The following BAD variants were observed in gnomAD, a reference collection of about 807,000 sequenced individuals.
BAD encodes bcl2-associated agonist of cell death.
BAD carries 18 observed loss-of-function variants against 17.8 expected under a neutral mutation model. The ratio of observed to expected loss-of-function variants is 1.01; its 90% confidence interval spans 0.70 to 1.50. BAD has a LOEUF of 1.50. BAD is among the 40% of genes most tolerant of loss of function. BAD has a pLI of 0.00. For missense variants in BAD, 294 were observed against 239.3 expected (o/e 1.23, Z -1.51); for synonymous variants, 112 against 91.5 (o/e 1.22, Z -1.28).
At chr11:64,275,360 T>C (rs2032983663) in intron 2 of BAD, among the ~76,000 whole-genome samples, 1 of 152,174 alleles carries the variant, frequency 6.6e-6, no homozygotes, top group African/African-American at 2.4e-5. Context: ...GCGGTGACTG[T>C]GGAGCAGGGG....
intron 2 of BAD, among the ~76,000 whole-genome samples, chr11:64,278,470 C>T (rs566033666): frequency 3.4e-4 from 52 of 151,850 alleles, no homozygotes; most frequent in African/African-American, 1.2e-3. Context: ...CCCTCCTCTG[C>T]GCCAGGCACT....
At position 64,270,167 on chromosome 11, in the gene BAD, GGGCAGTGGGAACGGGT is replaced by G; in HGVS notation, c.*26_*41del. On this transcript the variant is annotated 3_prime_UTR_variant, in exon 4 of 4. Coordinates refer to ENST00000309032, the MANE Select transcript of BAD (RefSeq NM_032989.3). ...CGCCCATATTCAAGATGGCTGCCCA[GGGCAGTGGGAACGGGT>G]GGAGTTTCGGGATGTGGAGCGAAGG... The G allele has an allele frequency of 1.2e-6, 2 of 1,613,894 alleles. No individual in the cohort carries two copies. Among genetic ancestry groups the G allele is most frequent in the Non-Finnish European group, 1.7e-6 (2 of 1,179,938 alleles).
intron 2 of BAD, among the ~76,000 whole-genome samples, chr11:64,278,541 G>T (rs1318308975): frequency 6.6e-6 from 1 of 152,118 alleles, no homozygotes; most frequent in Non-Finnish European, 1.5e-5. Flanking sequence ...TGCGAGGTGG[G>T]ACTAGTTCTA....
intron 2 of BAD, among the ~76,000 whole-genome samples, chr11:64,274,410 G>C (rs1371292001): frequency 6.6e-6 from 1 of 151,308 alleles, no homozygotes; most frequent in Admixed American, 6.6e-5. Context: ...AAAGCAAGTA[G>C]GCGCAGTGGC....
chr11:64,270,007 GC>G lies in BAD; in HGVS notation c.*201del. The G allele has an allele frequency of 9.8e-7, 1 of 1,024,544 alleles. No individual in the cohort carries two copies. Among genetic ancestry groups the G allele is most frequent in the Non-Finnish European group, 1.4e-6 (1 of 692,914 alleles). 63.5% of individuals were successfully genotyped at this position (1,024,544 alleles called of 1,614,324 possible). Reference sequence around the variant, plus strand: ...ACGGAGCCACTTCCGGCGGCTGTGGGCGGAAAACCCAAAACTTCCGATGGGA... The same window carrying G: ...ACGGAGCCACTTCCGGCGGCTGTGGGGGAAAACCCAAAACTTCCGATGGGA... On this transcript the variant is annotated 3_prime_UTR_variant, in exon 4 of 4. Transcript: ENST00000309032.
At chr11:64,270,378 T>C in intron 3 of BAD, 41 bp from the exon 4 acceptor site, 2 of 1,513,598 alleles carry the variant, frequency 1.3e-6, no homozygotes, top group Middle Eastern at 1.8e-4. Context: ...TAGATTACCA[T>C]GGCAGCTCGA....
chr11:64,277,162 C>T (rs2033130631), intron 2 of BAD: 1 of 596,420 alleles, frequency 1.7e-6, no homozygotes, highest in East Asian at 2.9e-5. Context: ...GCTCTGCCAT[C>T]AGGCAAGGGC....
At chr11:64,281,560 C>T (rs1345911772) in intron 2 of BAD, among the ~76,000 whole-genome samples, 1 of 152,186 alleles carries the variant, frequency 6.6e-6, no homozygotes, top group Non-Finnish European at 1.5e-5. Context: ...CCACCCTAGC[C>T]AGGAGCAGGT....
At chr11:64,271,918 C>G in intron 2 of BAD, 115 bp from the exon 3 acceptor site, 1 of 800,118 alleles carries the variant, frequency 1.2e-6, no homozygotes, top group South Asian at 4.9e-5. Flanking sequence ...CTTCCAGGGG[C>G]GCATCACAGC....
intron 3 of BAD, chr11:64,270,650 C>T (rs2032436595): frequency 1.6e-6 from 1 of 606,884 alleles, no homozygotes; most frequent in Non-Finnish European, 3.1e-6. Context: ...AATCAAAGGG[C>T]CGGGAGCGAT....
Position 64,269,971 on chromosome 11 carries a change from A to T in BAD, c.*238T>A. The T allele has an allele frequency of 2.6e-6, 2 of 771,922 alleles. No homozygotes were observed. Among genetic ancestry groups the T allele is most frequent in the Non-Finnish European group, 4.4e-6 (2 of 457,778 alleles). The allele number at this position is 771,922 out of a possible 1,614,324, so 47.8% of individuals were successfully genotyped here. ...CGCCTGGGGGAAAGCCCGGAGCCTG[A>T]GGGCGGGGCCACGGAGCCACTTCCG... On this transcript the variant is annotated 3_prime_UTR_variant, in exon 4 of 4. Coordinates refer to ENST00000309032, the MANE Select transcript of BAD (RefSeq NM_032989.3).
At chr11:64,282,011 G>A (rs889575512) in intron 2 of BAD, among the ~76,000 whole-genome samples, 2 of 152,170 alleles carry the variant, frequency 1.3e-5, no homozygotes, top group African/African-American at 4.8e-5. Flanking sequence ...GAGCCACCGC[G>A]CCCGGCCTCT....
chr11:64,273,983 G>A (rs957128215), intron 2 of BAD, among the ~76,000 whole-genome samples: 18 of 152,186 alleles, frequency 1.2e-4, no homozygotes, highest in African/African-American at 4.3e-4. Flanking sequence ...GAAGGCGGGG[G>A]ATAACCATTG....
intron 2 of BAD, 75 bp from the exon 3 acceptor site, chr11:64,271,878 C>T (rs577522337): frequency 8.2e-7 from 1 of 1,221,674 alleles, no homozygotes; most frequent in Middle Eastern, 2.6e-4. Flanking sequence ...CTGAACCCTC[C>T]CCATCAGCTC....
intron 2 of BAD, among the ~76,000 whole-genome samples, chr11:64,273,889 G>T (rs1235893244): frequency 1.4e-5 from 2 of 146,906 alleles, no homozygotes; most frequent in African/African-American, 2.5e-5. Flanking sequence ...AAGAGAGGCA[G>T]GTAGGGAAAC....
chr11:64,270,173 T>C lies in BAD; in HGVS notation c.*36A>G, dbSNP rs777377835. 1.2e-6 allele frequency: 2 copies of C among 1,613,682 alleles called. No homozygotes were observed. The highest frequency in any genetic ancestry group is 1.7e-6 in the Non-Finnish European group (2 of 1,179,912). On this transcript the variant is annotated 3_prime_UTR_variant, in exon 4 of 4. Coordinates refer to ENST00000309032, the MANE Select transcript of BAD (RefSeq NM_032989.3). ...TATTCAAGATGGCTGCCCAGGGCAG[T>C]GGGAACGGGTGGAGTTTCGGGATGT...
At position 64,271,707 on chromosome 11, in the gene BAD, C is replaced by T. The variant is rs1381857792; in HGVS notation, c.284G>A (p.Gly95Asp). Reference protein sequence around the residue: ...GMGEEPSPFRGRSRSAPPNLW... With the variant: ...GMGEEPSPFRDRSRSAPPNLW... ...GTTGGGGGGCGCCGAGCGCGAGCGG[C>T]CCCGAAAGGGGCTGGGCTCCTCCCC... Residue 95 changes from glycine to aspartate, a missense_variant, in exon 3 of 4, where the codon GGC becomes GAC. By Grantham distance (94) the Gly-to-Asp change is moderately conservative. Coordinates refer to ENST00000309032, the MANE Select transcript of BAD (RefSeq NM_032989.3). The T allele has an allele frequency of 2.0e-6, 3 of 1,471,216 alleles. No homozygotes were observed. The highest frequency in any genetic ancestry group is 1.5e-5 in the African/African-American group (1 of 68,730). 91.1% of individuals were successfully genotyped at this position (1,471,216 alleles called of 1,614,324 possible).
intron 2 of BAD, among the ~76,000 whole-genome samples, chr11:64,281,999 G>A (rs1262852958): frequency 1.3e-5 from 2 of 152,208 alleles, no homozygotes; most frequent in Non-Finnish European, 2.9e-5. Flanking sequence ...AATTACAGGC[G>A]TGAGCCACCG....
chr11:64,284,270 G>T lies in BAD; in HGVS notation c.99C>A (p.Gly33=). Residue 33 remains glycine, a synonymous_variant, in exon 2 of 4, where the codon GGC becomes GGA. Coordinates refer to ENST00000309032, the MANE Select transcript of BAD (RefSeq NM_032989.3). ...GPSPAGDGPS[G]SGKHHRQAPG... is the part of the protein sequence containing the mutation. Reference sequence around the variant, plus strand: ...GGGCCTGGCGATGATGCTTGCCGGAGCCTGAGGGCCCGTCCCCTGCGGGGC... The same window carrying T: ...GGGCCTGGCGATGATGCTTGCCGGATCCTGAGGGCCCGTCCCCTGCGGGGC... 6.2e-7 allele frequency: 1 copy of T among 1,611,482 alleles called. No individual in the cohort carries two copies. The highest frequency in any genetic ancestry group is 8.5e-7 in the Non-Finnish European group (1 of 1,179,856).
Sources: allele counts gnomAD v4.1 joint callset (sites outside exome capture counted in the v4.1 genomes callset), GRCh38; gene constraint gnomAD v4.1.1; transcripts MANE v1.5; gene names NCBI Gene and HGNC (gene_info 2026-07-23, HGNC 2026-07-21).